The following SLC38A7 variants were observed in gnomAD, a reference collection of about 807,000 sequenced individuals.
The protein encoded by SLC38A7 is sodium-coupled neutral amino acid transporter 7.
A neutral mutation model predicts 50.1 loss-of-function variants in SLC38A7; 29 were observed. That is an observed-to-expected ratio of 0.58 (90% CI 0.43 to 0.79). The LOEUF is 0.79. Ranked by LOEUF, SLC38A7 falls within the 30% of genes least tolerant of loss-of-function variation. SLC38A7 has a pLI of 0.00. For synonymous variants in SLC38A7, 244 were observed against 245.9 expected (o/e 0.99, Z 0.07); for missense variants, 483 against 610.6 (o/e 0.79, Z 2.20).
intron 10 of SLC38A7, 44 bp from the exon 11 acceptor site, chr16:58,670,211 G>C: frequency 6.4e-7 from 1 of 1,574,556 alleles, no homozygotes; most frequent in Non-Finnish European, 8.7e-7. Context: ...AGGGGAGAGG[G>C]CTCCCTCCCT....
intron 8 of SLC38A7, among the ~76,000 whole-genome samples, chr16:58,674,939 C>T (rs1205641614): frequency 6.6e-6 from 1 of 152,106 alleles, no homozygotes; most frequent in Non-Finnish European, 1.5e-5. Flanking sequence ...AACACTTCCT[C>T]GATGACTCCC....
rs117111840 is a variant in SLC38A7, at chr16:58,667,412, G to A, written c.1362C>T (p.Asn454=). 5.2e-3 allele frequency: 8,443 copies of A among 1,614,034 alleles called. 24 individuals are homozygous for A. Among genetic ancestry groups the A allele is most frequent in the East Asian group, 0.01 (459 of 44,886 alleles). The stretch of plus-strand genomic sequence containing the variant: ...ATGCCAAGAGATCCACAAAGATGGC[G>A]TTGGCTGTGGTCTGGCCGAAGATGA... ...GAFIFGQTTA[N]AIFVDLLA Residue 454 remains asparagine, a synonymous_variant, in exon 12 of 12, where the codon AAC becomes AAT. Coordinates refer to ENST00000219320, the MANE Select transcript of SLC38A7 (RefSeq NM_018231.3).
At chr16:58,679,789 G>A (rs148672703) in intron 3 of SLC38A7, 68 bp downstream of exon 3, 16 of 1,601,128 alleles carry the variant, frequency 1.0e-5, no homozygotes, top group African/African-American at 9.3e-5. Flanking sequence ...TCCCTGACCC[G>A]AAGCCTCCCT....
chr16:58,678,262 C>T lies in SLC38A7; in HGVS notation c.611+71G>A. Reference sequence around the variant, plus strand: ...GAGGTGGCATGGAGGAGCAGGGTTCCCCAGGAGCCCTTGGGTCTACAGCTG... The same window carrying T: ...GAGGTGGCATGGAGGAGCAGGGTTCTCCAGGAGCCCTTGGGTCTACAGCTG... On this transcript the variant is annotated intron_variant, in intron 5 of 11. Transcript: ENST00000219320. The surrounding 1 kb of genome is among the most constrained non-coding windows in gnomAD (Gnocchi z 4.0). 6.9e-7 allele frequency: 1 copy of T among 1,446,622 alleles called. No homozygotes were observed. The highest frequency in any genetic ancestry group is 1.4e-5 in the African/African-American group (1 of 70,492). The allele number at this position is 1,446,622 out of a possible 1,614,324, so 89.6% of individuals were successfully genotyped here.
rs2044049583 is a variant in SLC38A7, at chr16:58,667,039, C to A, written c.*346G>T. Reference sequence around the variant, plus strand: ...GTGGCCTTCTGTCCATAGTCATTCTCCAGAGGGAAGTCAGACTGGATTCTT... The same window carrying A: ...GTGGCCTTCTGTCCATAGTCATTCTACAGAGGGAAGTCAGACTGGATTCTT... On this transcript the variant is annotated 3_prime_UTR_variant, in exon 12 of 12. Transcript: ENST00000219320. 1.6e-5 allele frequency: 6 copies of A among 373,958 alleles called. No homozygotes were observed. The East Asian group carries it at 2.2e-4, about 14-fold the overall frequency. The allele number at this position is 373,958 out of a possible 1,614,324, so 23.2% of individuals were successfully genotyped here.
chr16:58,676,958 C>T (rs180980754), intron 6 of SLC38A7, among the ~76,000 whole-genome samples: 4 of 151,924 alleles, frequency 2.6e-5, no homozygotes, highest in East Asian at 3.9e-4. Flanking sequence ...CTGGCCCCCC[C>T]CCTTTTTTTT....
chr16:58,677,234 G>T, intron 6 of SLC38A7, 92 bp downstream of exon 6: 1 of 1,026,936 alleles, frequency 9.7e-7, no homozygotes, highest in Non-Finnish European at 1.5e-6. Flanking sequence ...CTTGAGAAGA[G>T]CACCTGTGTG....
intron 8 of SLC38A7, chr16:58,675,338 C>A: frequency 2.4e-6 from 1 of 408,466 alleles, no homozygotes; most frequent in South Asian, 1.7e-5. Flanking sequence ...GAGACCTTGT[C>A]TCTGCTAGAA....
Position 58,673,664 on chromosome 16 carries a change from G to GTTT in SLC38A7, c.884-1424_884-1422dup, listed in dbSNP as rs34674682. On this transcript the variant is annotated intron_variant, in intron 8 of 11. Coordinates refer to ENST00000219320, the MANE Select transcript of SLC38A7 (RefSeq NM_018231.3). ...CAGGCGTGAGCCCCAGTGCCTGGCCGTTTTTTTTTTTTTTTTTAAAGACAG... is the reference window on the plus strand; with the variant it reads ...CAGGCGTGAGCCCCAGTGCCTGGCCGTTTTTTTTTTTTTTTTTTTTAAAGACAG... 6.8e-3 allele frequency among the ~76,000 whole-genome samples: 873 copies of GTTT among 128,896 alleles called. 13 individuals are homozygous for GTTT. Among genetic ancestry groups the GTTT allele is most frequent in the African/African-American group, 0.024 (840 of 34,740 alleles). The allele number at this position is 128,896 out of a possible 152,430, so 84.6% of individuals were successfully genotyped here.
intron 11 of SLC38A7, among the ~76,000 whole-genome samples, chr16:58,669,382 T>G (rs903779848): frequency 3.9e-5 from 6 of 152,102 alleles, no homozygotes; most frequent in Admixed American, 2.6e-4. Context: ...CCCAAAGTGC[T>G]GGGATTACAG....
chr16:58,671,013 G>T, intron 10 of SLC38A7, 32 bp downstream of exon 10: 1 of 1,558,654 alleles, frequency 6.4e-7, no homozygotes, highest in South Asian at 1.2e-5. Context: ...CTGTGCTGTG[G>T]GGCTGTGAGA....
intron 7 of SLC38A7, 113 bp from the exon 8 acceptor site, chr16:58,676,167 C>G (rs2152078937): frequency 1.3e-6 from 2 of 1,544,484 alleles, no homozygotes; most frequent in Non-Finnish European, 8.9e-7. Flanking sequence ...CCTGAGGCCC[C>G]TGTTCCATCC....
intron 3 of SLC38A7, chr16:58,679,582 G>A (rs908017739): frequency 3.8e-6 from 2 of 531,126 alleles, no homozygotes; most frequent in African/African-American, 4.2e-5. Flanking sequence ...TAAAAGATAA[G>A]GGCCCTCTTT....
At position 58,677,311 on chromosome 16, in the gene SLC38A7, G is replaced by A; in HGVS notation, c.710+15C>T. ...GTGGCTTCTTCCCCATGTCTCCTAG[G>A]GCCCTCACCCTCACCTGGTCAGGAT... On this transcript the variant is annotated intron_variant, in intron 6 of 11. Coordinates refer to ENST00000219320, the MANE Select transcript of SLC38A7 (RefSeq NM_018231.3). 6.2e-7 allele frequency: 1 copy of A among 1,610,780 alleles called. No homozygotes were observed. Among genetic ancestry groups the A allele is most frequent in the Non-Finnish European group, 8.5e-7 (1 of 1,177,084 alleles).
intron 11 of SLC38A7, among the ~76,000 whole-genome samples, chr16:58,668,737 CA>C (rs35586589): frequency 0.59 from 70,648 of 120,232 alleles, 21,936 homozygotes; most frequent in African/African-American, 0.81. Flanking sequence ...AAAAAAAAGA[CA>C]AAAAAAAAAG....
At chr16:58,675,411 A>G in intron 8 of SLC38A7, 1 of 384,334 alleles carries the variant, frequency 2.6e-6, no homozygotes, top group South Asian at 2.1e-5. Flanking sequence ...GCTACTCTGG[A>G]GGCTGAGGCA....
intron 11 of SLC38A7, among the ~76,000 whole-genome samples, chr16:58,669,906 C>T (rs376861331): frequency 2.6e-5 from 4 of 151,244 alleles, no homozygotes. Context: ...ACCCAGGAGG[C>T]GGAGCTTGCA....
At chr16:58,673,519 C>T (rs1228339351) in intron 8 of SLC38A7, among the ~76,000 whole-genome samples, 6 of 151,506 alleles carry the variant, frequency 4.0e-5, no homozygotes, top group Admixed American at 6.6e-5. Flanking sequence ...TGAGCCACCA[C>T]GCCCAGCCCT....
intron 8 of SLC38A7, 146 bp from the exon 9 acceptor site, chr16:58,672,389 C>T (rs1026526191): frequency 2.9e-5 from 24 of 835,996 alleles, no homozygotes; most frequent in African/African-American, 1.4e-4. Flanking sequence ...GATGGGGCTC[C>T]GATCAGATGC....
Sources: gnomAD v4.1 joint callset for allele counts (sites outside exome capture counted in the v4.1 genomes callset) on GRCh38, gnomAD v4.1.1 for gene constraint, Gnocchi (gnomAD v3.1) non-coding constraint, MANE v1.5 for transcripts, NCBI Gene and HGNC (gene_info 2026-07-23, HGNC 2026-07-21) for gene names.